The following FOXP1 variants were observed in gnomAD, a reference collection of about 807,000 sequenced individuals.
FOXP1 encodes forkhead box protein P1.
Under a neutral mutation model 98.2 loss-of-function variants are expected in FOXP1, and 15 were observed. That is an observed-to-expected ratio of 0.15 (90% CI 0.10 to 0.24). The LOEUF (loss-of-function observed/expected upper bound fraction) is 0.24. FOXP1 is among the 10% of genes least tolerant of loss of function. The pLI is 1.00. For missense variants in FOXP1, 633 were observed against 848.5 expected, an observed-to-expected ratio of 0.75 and a Z score of 3.15; for synonymous variants, 371 against 314.5, an observed-to-expected ratio of 1.18 and a Z score of -1.90.
In FOXP1 at chr3:71,227,385, A is replaced by C. The variant is rs142538789; in HGVS notation, c.-11-28993T>G. Among the ~76,000 whole-genome samples the C allele has an allele frequency of 8.8e-3, 1,347 of 152,254 alleles. 9 individuals are homozygous for C. Among genetic ancestry groups the C allele is most frequent in the Middle Eastern group, 0.017 (5 of 294 alleles). ...CTGTAAACATACACTTGTCAAAACA[A>C]ATTGAAAACACTCTCCCGCCAAAGA... On this transcript the variant is annotated intron_variant, in intron 5 of 20. Transcript: ENST00000649528.
intron 2 of FOXP1, among the ~76,000 whole-genome samples, chr3:71,543,214 C>G (rs2045025112): frequency 6.6e-6 from 1 of 152,108 alleles, no homozygotes; most frequent in South Asian, 2.1e-4. Context: ...GGCAAGCTGG[C>G]AATAAGAGGG....
intron 4 of FOXP1, among the ~76,000 whole-genome samples, chr3:71,351,468 T>C (rs1416962991): frequency 1.3e-5 from 2 of 152,240 alleles, no homozygotes. Flanking sequence ...CTCTTGAAAC[T>C]GGCATTTATA....
intron 6 of FOXP1, among the ~76,000 whole-genome samples, chr3:71,138,172 G>C (rs2107976685): frequency 6.6e-6 from 1 of 152,262 alleles, no homozygotes; most frequent in African/African-American, 2.4e-5. Context: ...GCGCAGAATG[G>C]TGACGCTGTC....
At chr3:71,282,647 T>C (rs2071694512) in intron 5 of FOXP1, among the ~76,000 whole-genome samples, 1 of 152,128 alleles carries the variant, frequency 6.6e-6, no homozygotes, top group Non-Finnish European at 1.5e-5. Flanking sequence ...TCTGGTTACT[T>C]CCTCAAGATC....
In FOXP1 at chr3:71,229,345, G is replaced by T. The variant is rs146094739; in HGVS notation, c.-11-30953C>A. On this transcript the variant is annotated intron_variant, in intron 5 of 20. Coordinates refer to ENST00000649528, the MANE Select transcript of FOXP1 (RefSeq NM_001349338.3). ...AAAAAATAGCCTAATCATTAACACAGAAATCACTCAGCTTACTAGTATTAT... is the reference window on the plus strand; with the variant it reads ...AAAAAATAGCCTAATCATTAACACATAAATCACTCAGCTTACTAGTATTAT... 8.5e-5 allele frequency among the ~76,000 whole-genome samples: 13 copies of T among 152,228 alleles called. No homozygotes were observed. In the East Asian group the frequency reaches 2.5e-3, roughly 29 times the overall value.
chr3:71,561,181 T>C (rs1433711579), intron 2 of FOXP1, among the ~76,000 whole-genome samples: 1 of 151,996 alleles, frequency 6.6e-6, no homozygotes, highest in Non-Finnish European at 1.5e-5. Flanking sequence ...CTCAGCCTCC[T>C]GAGTAGCTGG....
At chr3:71,036,045 C>T (rs1269347467) in intron 11 of FOXP1, among the ~76,000 whole-genome samples, 1 of 152,110 alleles carries the variant, frequency 6.6e-6, no homozygotes, top group East Asian at 1.9e-4. Flanking sequence ...TTGAAAATAA[C>T]AAGGCCTGTA....
chr3:71,541,096 C>T (rs1219775538), intron 2 of FOXP1, among the ~76,000 whole-genome samples: 5 of 152,206 alleles, frequency 3.3e-5, no homozygotes, highest in Non-Finnish European at 7.3e-5. Flanking sequence ...CTTCTTTTAG[C>T]AAACTGCACT....
chr3:71,572,986 A>C (rs1384078294), intron 2 of FOXP1, among the ~76,000 whole-genome samples: 2 of 152,238 alleles, frequency 1.3e-5, no homozygotes, highest in Non-Finnish European at 2.9e-5. Context: ...ATCACACTCT[A>C]TTCAGTAATT....
In FOXP1 at chr3:71,254,211, G is replaced by A. The variant is rs533225709; in HGVS notation, c.-12+45609C>T. ...CCCTAACTTCCTAGTCTCACCAGAA[G>A]TAAAATTTTCCCCTTGGTTTCAACC... On this transcript the variant is annotated intron_variant, in intron 5 of 20. Transcript: ENST00000649528. Among the ~76,000 whole-genome samples the A allele has an allele frequency of 1.7e-4, 26 of 152,246 alleles. No homozygotes were observed. In the South Asian group the frequency reaches 5.2e-3, roughly 30 times the overall value.
intron 2 of FOXP1, among the ~76,000 whole-genome samples, chr3:71,523,343 G>A (rs989751789): frequency 1.3e-5 from 2 of 152,170 alleles, no homozygotes; most frequent in Admixed American, 1.3e-4. Flanking sequence ...GAGGCAGGGG[G>A]ACAATAATTT....
chr3:71,527,562 A>G (rs1183241103), intron 2 of FOXP1, among the ~76,000 whole-genome samples: 1 of 152,252 alleles, frequency 6.6e-6, no homozygotes, highest in Non-Finnish European at 1.5e-5. Flanking sequence ...CAAGGTCTAC[A>G]TAGACCTAGC....
At chr3:70,965,348 C>T (rs1257939382) in intron 20 of FOXP1, among the ~76,000 whole-genome samples, 2 of 152,206 alleles carry the variant, frequency 1.3e-5, no homozygotes, top group Non-Finnish European at 2.9e-5. Flanking sequence ...ACTCATTATA[C>T]TGCCGTCTGC....
intron 6 of FOXP1, among the ~76,000 whole-genome samples, chr3:71,169,612 G>A (rs1240459358): frequency 6.7e-5 from 7 of 105,200 alleles, no homozygotes; most frequent in South Asian, 7.1e-4. Flanking sequence ...CTCCCCCACC[G>A]CCCCCCGCAA....
At chr3:71,299,297 G>A (rs956008110) in intron 5 of FOXP1, among the ~76,000 whole-genome samples, 3 of 152,178 alleles carry the variant, frequency 2.0e-5, no homozygotes, top group Non-Finnish European at 2.9e-5. Context: ...GCAGCCTAGC[G>A]CTGACATTAC....
intron 5 of FOXP1, among the ~76,000 whole-genome samples, chr3:71,234,997 G>C (rs892460211): frequency 6.6e-6 from 1 of 152,140 alleles, no homozygotes; most frequent in African/African-American, 2.4e-5. Context: ...CTAATACCCT[G>C]TCCCTTGACT....
At chr3:71,343,835 A>G (rs1398449801) in intron 4 of FOXP1, among the ~76,000 whole-genome samples, 2 of 152,170 alleles carry the variant, frequency 1.3e-5, no homozygotes, top group East Asian at 3.8e-4. Context: ...CTGGCGTTCA[A>G]TTAGATTTTC....
At chr3:71,483,625 C>G (rs1159402418) in intron 3 of FOXP1, among the ~76,000 whole-genome samples, 1 of 152,184 alleles carries the variant, frequency 6.6e-6, no homozygotes, top group Admixed American at 6.5e-5. Flanking sequence ...CACAGCCACA[C>G]CCCTTCATTT....
At chr3:71,087,918 T>A (rs2055311999) in intron 7 of FOXP1, among the ~76,000 whole-genome samples, 1 of 152,140 alleles carries the variant, frequency 6.6e-6, no homozygotes, top group Non-Finnish European at 1.5e-5. Flanking sequence ...TTTTGTAAAA[T>A]CTTTGTGGGG....
Sources: gnomAD v4.1 joint callset for allele counts (sites outside exome capture counted in the v4.1 genomes callset) on GRCh38, gnomAD v4.1.1 for gene constraint, MANE v1.5 for transcripts, NCBI Gene and HGNC (gene_info 2026-07-23, HGNC 2026-07-21) for gene names.